Variants in PRICKLE2 observed in about 807,000 individuals in gnomAD.
PRICKLE2 encodes the protein prickle planar cell polarity protein 2.
In PRICKLE2, 21 loss-of-function variants were observed where a neutral mutation model predicts 81.4. That is an observed-to-expected ratio of 0.26 (90% confidence interval 0.18 to 0.37). The LOEUF is 0.37. Ranked by LOEUF, PRICKLE2 falls within the 10% of genes least tolerant of loss-of-function variation. PRICKLE2 has a pLI of 1.00. For missense variants in PRICKLE2, 940 were observed against 1,109.0 expected (o/e 0.85, Z 2.16); for synonymous variants, 456 against 421.5 (o/e 1.08, Z -1.00).
chr3:64,178,850 TA>T (rs1274784752), intron 2 of PRICKLE2, among the ~76,000 whole-genome samples: 6 of 152,176 alleles, frequency 3.9e-5, no homozygotes, highest in Admixed American at 6.5e-5. Flanking sequence ...AAGGGCAACT[TA>T]CTTAATATGT....
At chr3:64,146,676 G>C (rs1332073922) in intron 7 of PRICKLE2, 154 bp downstream of exon 7, 1 of 773,990 alleles carries the variant, frequency 1.3e-6, no homozygotes, top group African/African-American at 1.7e-5. Flanking sequence ...CCGGGAGGTG[G>C]AGCTTGCAGT....
intron 2 of PRICKLE2, among the ~76,000 whole-genome samples, chr3:64,185,111 T>C (rs896405222): frequency 1.3e-5 from 2 of 152,206 alleles, no homozygotes; most frequent in Non-Finnish European, 2.9e-5. Flanking sequence ...CTTGGGAACA[T>C]ACAGAGATTA....
chr3:64,146,887 G>A lies in PRICKLE2; in HGVS notation c.1603C>T (p.Pro535Ser). ...GAGCCCCGAGGGGTCTGCTCTGTGG[G>A]CGTCATGTCCTCTGTGTATTTCAGG... ...SSLKYTEDMTPTEQTPRGSME... is the reference protein window; with the variant it reads ...SSLKYTEDMTSTEQTPRGSME... Residue 535 changes from proline (P) to serine (S), a missense_variant, in exon 7 of 8, where the codon CCC becomes TCC. Pro to Ser is a moderately conservative substitution (Grantham distance 74). Coordinates refer to ENST00000638394, the MANE Select transcript of PRICKLE2 (RefSeq NM_198859.4). The A allele has an allele frequency of 6.2e-7, 1 of 1,614,134 alleles. No individual in the cohort carries two copies. Among genetic ancestry groups the A allele is most frequent in the Non-Finnish European group, 8.5e-7 (1 of 1,180,020 alleles).
chr3:64,267,155 A>C (rs545685018), intron 2 of PRICKLE2, among the ~76,000 whole-genome samples: 54 of 152,220 alleles, frequency 3.5e-4, no homozygotes, highest in African/African-American at 1.3e-3. Context: ...ACCTTCACCA[A>C]GTCCTGACTC....
At chr3:64,161,311 A>G (rs1261782223) in intron 3 of PRICKLE2, among the ~76,000 whole-genome samples, 2 of 152,208 alleles carry the variant, frequency 1.3e-5, no homozygotes, top group Non-Finnish European at 2.9e-5. Flanking sequence ...ACACGGTCCT[A>G]ATCCCGTCTC....
At chr3:64,148,118 G>A (rs2077487697) in intron 6 of PRICKLE2, among the ~76,000 whole-genome samples, 1 of 152,184 alleles carries the variant, frequency 6.6e-6, no homozygotes, top group African/African-American at 2.4e-5. Context: ...AGAAAGTAGA[G>A]GCAGATGAGG....
intron 2 of PRICKLE2, among the ~76,000 whole-genome samples, chr3:64,252,478 G>T: frequency 6.6e-6 from 1 of 152,150 alleles, no homozygotes; most frequent in South Asian, 2.1e-4. Flanking sequence ...AGAGTACTGG[G>T]CATGAGCCAG....
At chr3:64,142,082 G>A (rs185859562) in intron 7 of PRICKLE2, 304 of 242,044 alleles carry the variant, frequency 1.3e-3, no homozygotes, top group Non-Finnish European at 1.9e-3. Flanking sequence ...TCTAGTCCTC[G>A]GTGTATGGGT....
At chr3:64,129,695 C>G (rs2077170572) in intron 7 of PRICKLE2, among the ~76,000 whole-genome samples, 1 of 152,008 alleles carries the variant, frequency 6.6e-6, no homozygotes, top group Non-Finnish European at 1.5e-5. Context: ...ACACTGGCAG[C>G]TACTGAGGTT....
chr3:64,224,961 T>C lies in PRICKLE2; in HGVS notation c.-92A>G. The C allele has an allele frequency of 6.1e-6, 6 of 985,302 alleles. No homozygotes were observed. The highest frequency in any genetic ancestry group is 6.0e-6 in the Non-Finnish European group (5 of 829,914). The allele number at this position is 985,302 out of a possible 1,614,324, so 61.0% of individuals were successfully genotyped here. A position where few individuals can be genotyped will look rare whatever the true frequency, so the allele number is the denominator to read the frequency against. ...TCGGAGGAAGCTTCTGCCAGACCCT[T>C]GGAGCTTGTCAATTGTCCCAGTTCA... On this transcript the variant is annotated 5_prime_UTR_variant, in exon 1 of 8. Coordinates refer to ENST00000638394, the MANE Select transcript of PRICKLE2 (RefSeq NM_198859.4).
intron 2 of PRICKLE2, among the ~76,000 whole-genome samples, chr3:64,178,416 G>A (rs972504752): frequency 6.6e-6 from 1 of 152,218 alleles, no homozygotes; most frequent in Non-Finnish European, 1.5e-5. Flanking sequence ...AGGATGGTTG[G>A]AGCTGAACAC....
At chr3:64,176,903 T>G (rs1323250427) in intron 2 of PRICKLE2, among the ~76,000 whole-genome samples, 3 of 152,240 alleles carry the variant, frequency 2.0e-5, no homozygotes, top group Non-Finnish European at 4.4e-5. Flanking sequence ...GAAGGTAATA[T>G]CTTGGCCTGC....
At chr3:64,161,987 T>C (rs1189813186) in intron 3 of PRICKLE2, among the ~76,000 whole-genome samples, 1 of 152,234 alleles carries the variant, frequency 6.6e-6, no homozygotes, top group Non-Finnish European at 1.5e-5. Flanking sequence ...AAGAGGATCA[T>C]AGCTCTCTTT....
At chr3:64,262,398 G>GT (rs1396509601) in intron 2 of PRICKLE2, among the ~76,000 whole-genome samples, 1 of 152,080 alleles carries the variant, frequency 6.6e-6, no homozygotes, top group East Asian at 1.9e-4. Flanking sequence ...TTAGCGCTAT[G>GT]TTTTGACACA....
chr3:64,119,698 A>G (rs946265973), intron 7 of PRICKLE2, among the ~76,000 whole-genome samples: 2 of 152,352 alleles, frequency 1.3e-5, no homozygotes, highest in Non-Finnish European at 2.9e-5. Flanking sequence ...CAGCAATCCC[A>G]TTACCGGGTA....
chr3:64,135,522 A>T (rs2077263720), intron 7 of PRICKLE2, among the ~76,000 whole-genome samples: 1 of 152,126 alleles, frequency 6.6e-6, no homozygotes, highest in Non-Finnish European at 1.5e-5. Context: ...GTGTTTTCTT[A>T]GTGACTTTGA....
intron 7 of PRICKLE2, among the ~76,000 whole-genome samples, chr3:64,121,933 C>T (rs1043334949): frequency 3.3e-5 from 5 of 152,184 alleles, no homozygotes; most frequent in African/African-American, 1.2e-4. Context: ...TGGCTTTCTT[C>T]TGAACTTCTA....
intron 7 of PRICKLE2, among the ~76,000 whole-genome samples, chr3:64,141,592 T>C (rs188452522): frequency 1.3e-5 from 2 of 152,338 alleles, no homozygotes; most frequent in East Asian, 3.9e-4. Flanking sequence ...TGCAGTGGTA[T>C]AAATGGTGGC....
At chr3:64,130,522 T>C (rs2106984823) in intron 7 of PRICKLE2, among the ~76,000 whole-genome samples, 1 of 152,316 alleles carries the variant, frequency 6.6e-6, no homozygotes, top group South Asian at 2.1e-4. Flanking sequence ...CAAAGGTTAC[T>C]AGAAGAGAGC....
Sources: allele counts gnomAD v4.1 joint callset (sites outside exome capture counted in the v4.1 genomes callset), GRCh38; gene constraint gnomAD v4.1.1; transcripts MANE v1.5; gene names NCBI Gene and HGNC (gene_info 2026-07-23, HGNC 2026-07-21).